The following TTC28 variants were observed in gnomAD, a reference collection of about 807,000 sequenced individuals.
TTC28 encodes tetratricopeptide repeat domain 28, also known as tetratricopeptide repeat protein 28.
TTC28 carries 61 observed loss-of-function variants against 198.0 expected under a neutral mutation model. The observed-to-expected ratio is 0.31, with a 90% confidence interval of 0.25 to 0.38. TTC28 has a LOEUF of 0.38. TTC28 is among the 10% of genes least tolerant of loss of function. The pLI is 1.00. For synonymous variants in TTC28, 1,171 were observed against 1,297.8 expected (o/e 0.90, Z 2.10); for missense variants, 2,678 against 3,164.0 (o/e 0.85, Z 3.69).
intron 5 of TTC28, among the ~76,000 whole-genome samples, chr22:28,247,286 A>C (rs1244376284): frequency 6.6e-6 from 1 of 152,206 alleles, no homozygotes; most frequent in Non-Finnish European, 1.5e-5. Flanking sequence ...TCACACTGCC[A>C]GCCAGCTCTT....
intron 12 of TTC28, among the ~76,000 whole-genome samples, chr22:28,042,574 C>A (rs1464701390): frequency 6.6e-6 from 1 of 151,452 alleles, no homozygotes; most frequent in African/African-American, 2.4e-5. Flanking sequence ...TACACTGGGG[C>A]TTGTCAGGGG....
intron 2 of TTC28, among the ~76,000 whole-genome samples, chr22:28,611,658 C>A (rs938905345): frequency 1.6e-4 from 19 of 121,606 alleles, no homozygotes; most frequent in Admixed American, 4.2e-4. Context: ...TCCCTCCCCG[C>A]TCCCCCTACC....
chr22:28,323,056 A>G (rs1392979266), intron 2 of TTC28, among the ~76,000 whole-genome samples: 1 of 152,226 alleles, frequency 6.6e-6, no homozygotes, highest in African/African-American at 2.4e-5. Context: ...GTCCTTTATC[A>G]TGTAAGGTAA....
At chr22:28,613,083 C>A (rs1601622828) in intron 2 of TTC28, among the ~76,000 whole-genome samples, 1 of 152,066 alleles carries the variant, frequency 6.6e-6, no homozygotes, top group East Asian at 1.9e-4. Flanking sequence ...AGATAGACCG[C>A]TAGCCAGACT....
intron 2 of TTC28, among the ~76,000 whole-genome samples, chr22:28,483,110 C>CTT (rs2048274834): frequency 6.6e-6 from 1 of 152,118 alleles, no homozygotes. Flanking sequence ...CTATGTTTAA[C>CTT]TTTTTGAGGA....
intron 11 of TTC28, among the ~76,000 whole-genome samples, chr22:28,095,300 C>T (rs1364442822): frequency 1.3e-5 from 2 of 151,002 alleles, no homozygotes; most frequent in African/African-American, 4.9e-5. Context: ...AAAACAATGC[C>T]GAGGCATAGA....
intron 5 of TTC28, among the ~76,000 whole-genome samples, chr22:28,295,824 G>A (rs2044883536): frequency 6.6e-6 from 1 of 152,150 alleles, no homozygotes; most frequent in Admixed American, 6.5e-5. Context: ...AGAGTCTGCG[G>A]TAATAATATC....
At chr22:28,388,151 T>G (rs938727501) in intron 2 of TTC28, among the ~76,000 whole-genome samples, 3 of 152,208 alleles carry the variant, frequency 2.0e-5, no homozygotes, top group African/African-American at 7.2e-5. Context: ...GATCAGATAG[T>G]TGTAGATATG....
At chr22:28,219,373 G>A (rs1304879979) in intron 5 of TTC28, among the ~76,000 whole-genome samples, 1 of 152,040 alleles carries the variant, frequency 6.6e-6, no homozygotes, top group East Asian at 1.9e-4. Context: ...GCCAGGCATG[G>A]TGGCAGGCAC....
chr22:28,286,820 T>C (rs2044695234), intron 5 of TTC28, among the ~76,000 whole-genome samples: 1 of 151,562 alleles, frequency 6.6e-6, no homozygotes, highest in African/African-American at 2.4e-5. Flanking sequence ...ACACAAAACC[T>C]AAGGATAAAA....
At chr22:27,997,606 C>T (rs1027675397) in intron 16 of TTC28, 2 of 152,256 alleles carry the variant, frequency 1.3e-5, no homozygotes, top group African/African-American at 2.4e-5. Flanking sequence ...GAGACACTTT[C>T]AGACACTCTG....
chr22:28,521,489 A>C (rs2048908334), intron 2 of TTC28, among the ~76,000 whole-genome samples: 1 of 152,188 alleles, frequency 6.6e-6, no homozygotes. Context: ...CCAAGATTGC[A>C]GAGAGGAGAA....
At chr22:28,311,691 T>C (rs147827461) in intron 2 of TTC28, among the ~76,000 whole-genome samples, 3,235 of 152,268 alleles carry the variant, frequency 0.021, 32 homozygotes, top group Non-Finnish European at 0.027. Context: ...TAGTTATTTT[T>C]AAATGTACAA....
At chr22:28,310,036 T>C (rs2045226196) in intron 2 of TTC28, among the ~76,000 whole-genome samples, 1 of 151,832 alleles carries the variant, frequency 6.6e-6, no homozygotes, top group South Asian at 2.1e-4. Context: ...ACTTCACAAA[T>C]CATATAAAGA....
intron 2 of TTC28, among the ~76,000 whole-genome samples, chr22:28,349,713 A>C (rs2045963719): frequency 1.3e-5 from 2 of 152,214 alleles, no homozygotes; most frequent in African/African-American, 4.8e-5. Context: ...AGACTGAATA[A>C]ATTAAAGTGT....
chr22:28,114,902 A>T (rs1386310889), intron 6 of TTC28, among the ~76,000 whole-genome samples: 1 of 152,078 alleles, frequency 6.6e-6, no homozygotes, highest in Non-Finnish European at 1.5e-5. Flanking sequence ...GATATTTTTA[A>T]ATGCAGGTAA....
chr22:28,189,492 G>A (rs1267672243), intron 5 of TTC28, among the ~76,000 whole-genome samples: 1 of 151,416 alleles, frequency 6.6e-6, no homozygotes, highest in African/African-American at 2.4e-5. Context: ...AAAGAAAATG[G>A]TGAGGAAGAA....
chr22:27,982,698 A>G lies in TTC28; in HGVS notation c.6969T>C (p.Ala2323=), dbSNP rs1330489200. The change falls in exon 23 of 23, where the codon GCT becomes GCC. Residue 2323 remains alanine (A), a synonymous_variant. Coordinates refer to ENST00000397906, the MANE Select transcript of TTC28 (RefSeq NM_001145418.2). The surrounding 1 kb of genome is among the most constrained non-coding windows in gnomAD (Gnocchi z 5.2). ...QSPAGSAPSP[A]LSYSSAGSAR... ...CAGATCCAGCTGAGGAGTAGGAGAG[A>G]GCTGGGGAGGGTGCACTGCCAGCAG... 3 of 1,551,216 alleles carry G rather than the reference A, an allele frequency of 1.9e-6. No homozygotes were observed. Among genetic ancestry groups the G allele is most frequent in the Admixed American group, 2.0e-5 (1 of 50,938 alleles).
chr22:28,638,302 C>T (rs2051308200), intron 1 of TTC28, among the ~76,000 whole-genome samples: 1 of 151,634 alleles, frequency 6.6e-6, no homozygotes, highest in Admixed American at 6.6e-5. Context: ...AAACTTATCC[C>T]CTCTATATAA....
Sources: gnomAD v4.1 joint callset for allele counts (sites outside exome capture counted in the v4.1 genomes callset) on GRCh38, gnomAD v4.1.1 for gene constraint, Gnocchi (gnomAD v3.1) non-coding constraint, MANE v1.5 for transcripts, NCBI Gene and HGNC (gene_info 2026-07-23, HGNC 2026-07-21) for gene names.